Variants in DPY19L3 observed in about 807,000 individuals in gnomAD.
DPY19L3 encodes the protein dpy-19 like C-mannosyltransferase 3, also known as protein C-mannosyl-transferase DPY19L3.
Under a neutral mutation model 92.3 loss-of-function variants are expected in DPY19L3, and 51 were observed. The observed-to-expected ratio is 0.55, with a 90% CI of 0.44 to 0.70. The LOEUF (loss-of-function observed/expected upper bound fraction) is 0.70. DPY19L3 is among the 30% of genes least tolerant of loss of function. The pLI is 0.00. For synonymous variants in DPY19L3, 309 were observed against 315.2 expected, an observed-to-expected ratio of 0.98 and a Z score of 0.21; for missense variants, 706 against 855.9, an observed-to-expected ratio of 0.82 and a Z score of 2.18.
intron 5 of DPY19L3, 40 bp downstream of exon 5, chr19:32,436,607 G>C (rs745997595): frequency 1.4e-6 from 2 of 1,387,926 alleles, no homozygotes; most frequent in Non-Finnish European, 1.9e-6. Flanking sequence ...TCAGATGAAA[G>C]TCAAAGTCTG....
chr19:32,423,085 T>G (rs767677114), intron 3 of DPY19L3, among the ~76,000 whole-genome samples: 5 of 152,060 alleles, frequency 3.3e-5, no homozygotes, highest in Non-Finnish European at 2.9e-5. Flanking sequence ...CATCCATCCA[T>G]GAGATACATG....
At chr19:32,423,093 A>G (rs1307155927) in intron 3 of DPY19L3, among the ~76,000 whole-genome samples, 1 of 152,218 alleles carries the variant, frequency 6.6e-6, no homozygotes, top group Admixed American at 6.5e-5. Flanking sequence ...CATGAGATAC[A>G]TGGAAAAACA....
chr19:32,413,522 C>T (rs528075353), intron 3 of DPY19L3, among the ~76,000 whole-genome samples: 135 of 151,486 alleles, frequency 8.9e-4, no homozygotes, highest in Middle Eastern at 3.5e-3. Flanking sequence ...CATATGTATA[C>T]ATGTGCCATG....
At chr19:32,481,876 ACT>A (rs1029318197) in intron 18 of DPY19L3, 22 of 584,900 alleles carry the variant, frequency 3.8e-5, no homozygotes, top group Non-Finnish European at 6.5e-5. Context: ...GTGACGCTGC[ACT>A]CTCCTTCTCA....
chr19:32,431,170 G>A (rs549519560), intron 3 of DPY19L3, among the ~76,000 whole-genome samples: 3 of 152,058 alleles, frequency 2.0e-5, no homozygotes, highest in Admixed American at 1.3e-4. Context: ...ACCTGAGGTC[G>A]GGAGTTCAAG....
In DPY19L3 at chr19:32,436,560, C is replaced by A; in HGVS notation, c.443C>A (p.Pro148His). The change falls in exon 5 of 19, where the codon CCC becomes CAC. Residue 148 changes from proline to histidine, a missense_variant. Coordinates refer to ENST00000392250, the MANE Select transcript of DPY19L3 (RefSeq NM_001172774.2). ...CTCAGTATTTTATATAGAGTTCTAC[C>A]CATACAGGTATGTTTTGTGATATTG... ...VFLSILYRVL[P>H]IQKYLEPVYF... 1.3e-6 allele frequency: 2 copies of A among 1,524,102 alleles called. No homozygotes were observed. Among genetic ancestry groups the A allele is most frequent in the Non-Finnish European group, 1.8e-6 (2 of 1,130,334 alleles). 94.4% of individuals were successfully genotyped at this position (1,524,102 alleles called of 1,614,324 possible).
intron 5 of DPY19L3, 89 bp from the exon 6 acceptor site, chr19:32,437,105 C>A: frequency 6.7e-7 from 1 of 1,499,510 alleles, no homozygotes; most frequent in Non-Finnish European, 9.1e-7. Context: ...CAAGCTCCTG[C>A]ATATTGTATT....
intron 3 of DPY19L3, among the ~76,000 whole-genome samples, chr19:32,430,856 G>A (rs192445454): frequency 2.0e-5 from 3 of 147,294 alleles, no homozygotes; most frequent in Non-Finnish European, 4.5e-5. Context: ...TTGAACTCCT[G>A]AGCTCAAGCA....
At chr19:32,480,691 C>G in intron 18 of DPY19L3, 134 bp downstream of exon 18, 2 of 1,259,852 alleles carry the variant, frequency 1.6e-6, no homozygotes, top group Non-Finnish European at 2.1e-6. Context: ...TGCTTTTTCT[C>G]TTGCTTCCTA....
intron 1 of DPY19L3, among the ~76,000 whole-genome samples, chr19:32,407,827 T>C (rs997982694): frequency 2.6e-5 from 4 of 152,188 alleles, no homozygotes; most frequent in Non-Finnish European, 5.9e-5. Context: ...GCACAATGGC[T>C]CATTCATGTA....
rs1420053780 is a variant in DPY19L3, at chr19:32,485,599, CA to C, written c.*3363del. On this transcript the variant is annotated 3_prime_UTR_variant, in exon 19 of 19. Coordinates refer to ENST00000392250, the MANE Select transcript of DPY19L3 (RefSeq NM_001172774.2). ...GCCAAAACCTACCTGAATTAACATA[CA>C]AAATATTTGATTTTTAAAATTTAAT... The C allele has an allele frequency of 6.6e-6, 1 of 152,284 alleles. No homozygotes were observed. The highest frequency in any genetic ancestry group is 2.1e-4 in the South Asian group (1 of 4,832). 9.4% of individuals were successfully genotyped at this position (152,284 alleles called of 1,614,324 possible).
At chr19:32,440,030 T>C (rs2145503280) in intron 8 of DPY19L3, 120 bp downstream of exon 8, 3 of 1,346,914 alleles carry the variant, frequency 2.2e-6, no homozygotes, top group East Asian at 4.9e-5. Context: ...TTAGATCTGC[T>C]GTAAATTTGC....
In DPY19L3 at chr19:32,484,356, T is replaced by C. The variant is rs1970745882; in HGVS notation, c.*2116T>C. On this transcript the variant is annotated 3_prime_UTR_variant, in exon 19 of 19. Coordinates refer to ENST00000392250, the MANE Select transcript of DPY19L3 (RefSeq NM_001172774.2). ...AGTATTCTCCAATGTGACCTTCTCA[T>C]TGGAGTACACAGAAGGAAAGCAAAG... 1 of 152,380 alleles carries C rather than the reference T, an allele frequency of 6.6e-6. No individual in the cohort carries two copies. Among genetic ancestry groups the C allele is most frequent in the Non-Finnish European group, 1.5e-5 (1 of 68,040 alleles). The allele number at this position is 152,380 out of a possible 1,614,324, so 9.4% of individuals were successfully genotyped here.
intron 17 of DPY19L3, among the ~76,000 whole-genome samples, chr19:32,478,485 C>CAT (rs1211598238): frequency 3.3e-5 from 5 of 152,174 alleles, no homozygotes; most frequent in Non-Finnish European, 7.3e-5. Flanking sequence ...AAATTCAGAA[C>CAT]ATACAAAAGG....
intron 8 of DPY19L3, among the ~76,000 whole-genome samples, chr19:32,443,336 C>T (rs567470239): frequency 2.1e-4 from 32 of 152,350 alleles, no homozygotes; most frequent in Middle Eastern, 6.8e-3. Flanking sequence ...ATTAGCATAG[C>T]GTTGGCATAG....
chr19:32,482,329 A>G lies in DPY19L3; in HGVS notation c.*89A>G. On this transcript the variant is annotated 3_prime_UTR_variant, in exon 19 of 19. Transcript: ENST00000392250. ...GATGACGTTTCCTATGTAAGTAGGT[A>G]GCCCAAACCTTCAAGCTGTGATATG... The G allele has an allele frequency of 6.8e-7, 1 of 1,461,154 alleles. No homozygotes were observed. The highest frequency in any genetic ancestry group is 9.3e-7 in the Non-Finnish European group (1 of 1,077,918). 90.5% of individuals were successfully genotyped at this position (1,461,154 alleles called of 1,614,324 possible). A position where few individuals can be genotyped will look rare whatever the true frequency, so the allele number is the denominator to read the frequency against.
intron 3 of DPY19L3, among the ~76,000 whole-genome samples, chr19:32,413,347 C>T (rs1968258931): frequency 6.6e-6 from 1 of 152,034 alleles, no homozygotes; most frequent in South Asian, 2.1e-4. Context: ...ATAAGAATGA[C>T]CTCTAGTGTG....
intron 1 of DPY19L3, chr19:32,406,409 G>C (rs1217612697): frequency 1.3e-5 from 2 of 152,126 alleles, no homozygotes; most frequent in African/African-American, 4.8e-5. Context: ...GCCCAGGCTG[G>C]AGTGCAGTGG....
At chr19:32,432,630 T>A in intron 3 of DPY19L3, 86 bp from the exon 4 acceptor site, 2 of 1,109,516 alleles carry the variant, frequency 1.8e-6, no homozygotes, top group Non-Finnish European at 2.6e-6. Context: ...TCTTTCAAGT[T>A]GCAGTTATGT....
Sources: gnomAD v4.1 joint callset for allele counts (sites outside exome capture counted in the v4.1 genomes callset) on GRCh38, gnomAD v4.1.1 for gene constraint, MANE v1.5 for transcripts, NCBI Gene and HGNC (gene_info 2026-07-23, HGNC 2026-07-21) for gene names.